RPS6KC1: variants seen among roughly 807,000 people sequenced by gnomAD.
RPS6KC1 encodes ribosomal protein S6 kinase C1.
RPS6KC1 carries 54 observed loss-of-function variants against 103.8 expected under a neutral mutation model. The ratio of observed to expected loss-of-function variants is 0.52; its 90% confidence interval spans 0.42 to 0.65. The LOEUF (loss-of-function observed/expected upper bound fraction) is 0.65, where lower values mean the gene tolerates loss of function less well. Ranked by LOEUF, RPS6KC1 falls within the 30% of genes least tolerant of loss-of-function variation. The pLI, the probability that RPS6KC1 is intolerant of heterozygous loss-of-function variation, is 0.00. For missense variants in RPS6KC1, 1,151 were observed against 1,253.8 expected (o/e 0.92, Z 1.24); for synonymous variants, 439 against 438.7 (o/e 1.00, Z -0.01).
At chr1:213,193,107 T>C (rs1393329990) in intron 8 of RPS6KC1, among the ~76,000 whole-genome samples, 3 of 152,132 alleles carry the variant, frequency 2.0e-5, no homozygotes, top group Non-Finnish European at 4.4e-5. Flanking sequence ...AGACTTGTTT[T>C]GTGACCTGCC....
At chr1:213,277,175 C>A (rs1450394677), downstream of RPS6KC1, among the ~76,000 whole-genome samples, 1 of 152,100 alleles carries the variant, frequency 6.6e-6, no homozygotes, top group Non-Finnish European at 1.5e-5. Context: ...AAGTTGTAAA[C>A]AGAATAGCAG....
the RPS6KC1 span, among the ~76,000 whole-genome samples, chr1:213,598,898 C>T: frequency 1.6e-4 from 25 of 152,028 alleles, no homozygotes; most frequent in African/African-American, 3.1e-4. Context: ...TCCAGCCGGG[C>T]GACAGAGACT....
At chr1:213,342,249 C>T in the RPS6KC1 span, among the ~76,000 whole-genome samples, 1 of 152,136 alleles carries the variant, frequency 6.6e-6, no homozygotes, top group African/African-American at 2.4e-5. Context: ...CTGCCATTAC[C>T]CAAAGTCTGA....
chr1:213,633,538 G>C, the RPS6KC1 span, among the ~76,000 whole-genome samples: 3 of 151,944 alleles, frequency 2.0e-5, no homozygotes, highest in East Asian at 3.9e-4. Flanking sequence ...TACAAGAGCT[G>C]CTGAAGTAAG....
At chr1:213,808,641 TA>T in the RPS6KC1 span, among the ~76,000 whole-genome samples, 1 of 152,334 alleles carries the variant, frequency 6.6e-6, no homozygotes, top group African/African-American at 2.4e-5. Flanking sequence ...AAAAGCGCAG[TA>T]TTTGGGTGGG....
chr1:213,282,905 A>G, the RPS6KC1 span, among the ~76,000 whole-genome samples: 3 of 152,206 alleles, frequency 2.0e-5, no homozygotes, highest in African/African-American at 7.2e-5. Context: ...AACCTGTACA[A>G]TTAGGGCAAA....
At chr1:213,321,723 G>C in the RPS6KC1 span, among the ~76,000 whole-genome samples, 1 of 152,226 alleles carries the variant, frequency 6.6e-6, no homozygotes, top group African/African-American at 2.4e-5. Flanking sequence ...GTATGTCAGA[G>C]AGTTTGAGTG....
chr1:213,527,117 A>C, the RPS6KC1 span, among the ~76,000 whole-genome samples: 1 of 152,192 alleles, frequency 6.6e-6, no homozygotes, highest in African/African-American at 2.4e-5. Flanking sequence ...CTCAAAACCA[A>C]ATGAATATTT....
intron 14 of RPS6KC1, among the ~76,000 whole-genome samples, chr1:213,268,995 C>T (rs185207764): frequency 1.6e-4 from 24 of 152,126 alleles, no homozygotes; most frequent in African/African-American, 5.8e-4. Flanking sequence ...AATATAAACC[C>T]ACCGTGTCAA....
At chr1:213,081,461 C>G (rs1334988144) in intron 3 of RPS6KC1, among the ~76,000 whole-genome samples, 2 of 152,104 alleles carry the variant, frequency 1.3e-5, no homozygotes, top group African/African-American at 4.8e-5. Flanking sequence ...CCAAACACCT[C>G]ACACCAGGCC....
At chr1:213,679,013 G>A in the RPS6KC1 span, among the ~76,000 whole-genome samples, 31 of 152,308 alleles carry the variant, frequency 2.0e-4, 1 homozygote, top group African/African-American at 7.2e-4. Flanking sequence ...TTCCATGTTG[G>A]AGAATGGGTC....
the RPS6KC1 span, among the ~76,000 whole-genome samples, chr1:213,502,515 A>G: frequency 6.6e-6 from 1 of 152,186 alleles, no homozygotes; most frequent in African/African-American, 2.4e-5. Flanking sequence ...CTTTTTATGT[A>G]TCAAACTTAG....
At chr1:213,510,139 T>C in the RPS6KC1 span, among the ~76,000 whole-genome samples, 1 of 152,224 alleles carries the variant, frequency 6.6e-6, no homozygotes, top group Admixed American at 6.5e-5. Context: ...TGCCTTTTCA[T>C]GTAATGCACA....
the RPS6KC1 span, among the ~76,000 whole-genome samples, chr1:213,652,793 C>T: frequency 7.9e-5 from 12 of 152,156 alleles, no homozygotes; most frequent in Non-Finnish European, 1.8e-4. Flanking sequence ...GCAGCCCAAC[C>T]CACCCTGCAC....
the RPS6KC1 span, among the ~76,000 whole-genome samples, chr1:213,399,134 A>C: frequency 6.6e-6 from 1 of 152,226 alleles, no homozygotes; most frequent in Admixed American, 6.5e-5. Flanking sequence ...TCATTCATCC[A>C]AGAAATATTA....
the RPS6KC1 span, among the ~76,000 whole-genome samples, chr1:213,361,836 G>T: frequency 1.3e-5 from 2 of 152,256 alleles, no homozygotes; most frequent in African/African-American, 4.8e-5. Context: ...GCGTCTTTGC[G>T]GCTGTTCTGT....
intron 3 of RPS6KC1, among the ~76,000 whole-genome samples, chr1:213,087,425 T>C (rs1408655446): frequency 6.6e-6 from 1 of 152,240 alleles, no homozygotes; most frequent in African/African-American, 2.4e-5. Context: ...GTGATAATTA[T>C]TGGTTCTAAG....
At chr1:213,086,381 G>T (rs141236531) in intron 3 of RPS6KC1, among the ~76,000 whole-genome samples, 115 of 152,260 alleles carry the variant, frequency 7.6e-4, no homozygotes, top group African/African-American at 2.6e-3. Context: ...GTAGTTCCTT[G>T]CCCATGAAGT....
the RPS6KC1 span, chr1:213,842,377 C>A: frequency 6.6e-6 from 1 of 152,154 alleles, no homozygotes; most frequent in Admixed American, 6.6e-5. Flanking sequence ...CCTGTCTCCC[C>A]TCCACCACCA....
Sources: allele counts gnomAD v4.1 joint callset (sites outside exome capture counted in the v4.1 genomes callset), GRCh38; gene constraint gnomAD v4.1.1; transcripts MANE v1.5; gene names NCBI Gene and HGNC (gene_info 2026-07-23, HGNC 2026-07-21).